The following VWC2 variants were observed in gnomAD, a reference collection of about 807,000 sequenced individuals.
VWC2 encodes the protein von Willebrand factor C domain containing 2, also known as brorin.
VWC2 carries 14 observed loss-of-function variants against 29.8 expected under a neutral mutation model. The ratio of observed to expected loss-of-function variants is 0.47; its 90% CI spans 0.31 to 0.74. VWC2 has a LOEUF of 0.74. VWC2 is among the 30% of genes least tolerant of loss of function. The pLI is 0.05. For missense variants in VWC2, 457 were observed against 459.8 expected (o/e 0.99, Z 0.05); for synonymous variants, 213 against 199.0 (o/e 1.07, Z -0.59).
Position 49,915,925 on chromosome 7 carries a change from T to C in VWC2, c.*3740T>C, listed in dbSNP as rs1197049190. On this transcript the variant is annotated 3_prime_UTR_variant, in exon 4 of 4. Coordinates refer to ENST00000340652, the MANE Select transcript of VWC2 (RefSeq NM_198570.5). ...ACTGAACCTACTTACCTACTATATT[T>C]TTTTTCCTCACTAGTAGCATCTGAT... is the stretch of plus-strand genomic sequence containing the variant. The C allele has an allele frequency of 6.6e-6, 1 of 152,198 alleles. No individual in the cohort carries two copies. The highest frequency in any genetic ancestry group is 1.5e-5 in the Non-Finnish European group (1 of 68,024). The allele number at this position is 152,198 out of a possible 1,614,324, so 9.4% of individuals were successfully genotyped here.
At position 49,805,108 on chromosome 7, in the gene VWC2, TA is replaced by T. The variant is rs1366725328; in HGVS notation, c.826+2275del. On this transcript the variant is annotated intron_variant, in intron 3 of 3. Transcript: ENST00000340652. ...TTTAAGATATAGTTATATTTTTGAGTAAAAAAATGTACAAAAACTAAACACT... is the reference window on the plus strand; with the variant it reads ...TTTAAGATATAGTTATATTTTTGAGTAAAAAATGTACAAAAACTAAACACT... Among the ~76,000 whole-genome samples, 48 of 152,242 alleles carry T rather than the reference TA, an allele frequency of 3.2e-4. No individual in the cohort carries two copies. The East Asian group carries it at 8.3e-3, about 26-fold the overall frequency.
chr7:49,906,194 C>T (rs1400789894), intron 3 of VWC2, among the ~76,000 whole-genome samples: 1 of 152,166 alleles, frequency 6.6e-6, no homozygotes, highest in African/African-American at 2.4e-5. Flanking sequence ...TTCTTTCTTG[C>T]ATGAAATCCA....
Position 49,775,895 on chromosome 7 carries a change from G to T in VWC2, c.460G>T (p.Gly154Cys). The T allele has an allele frequency of 6.4e-7, 1 of 1,558,496 alleles. No homozygotes were observed. Among genetic ancestry groups the T allele is most frequent in the East Asian group, 2.4e-5 (1 of 41,810 alleles). The change falls in exon 2 of 4, where the codon GGC becomes TGC. Residue 154 changes from glycine to cysteine, a missense_variant. Physicochemically the swap from Gly to Cys is radical, Grantham distance 159. Around this residue, in one of 2 missense-constraint regions of VWC2, gnomAD observed 185 missense variants for 257.1 expected, o/e 0.72. Coordinates refer to ENST00000340652, the MANE Select transcript of VWC2 (RefSeq NM_198570.5). The stretch of plus-strand genomic sequence containing the variant: ...CGTGTACCCGGACTACCGTGGCAAG[G>T]GCTGCGTGGACGAGAGCGGCTTCGT... The part of the protein sequence containing the change: ...EYVYPDYRGK[G>C]CVDESGFVYA...
rs1410696163 is a variant in VWC2, at chr7:49,776,095, C to T, written c.660C>T (p.Phe220=). The part of the protein sequence containing the change: ...QCKERKNYCE[F]RGKTYQTLEE... ...AGGAGAGGAAGAACTACTGCGAGTT[C>T]CGGGGCAAGACCTATCAGACTTTGG... Residue 220 remains phenylalanine, a synonymous_variant, in exon 2 of 4, where the codon TTC becomes TTT. Transcript: ENST00000340652. The T allele has an allele frequency of 1.8e-5, 28 of 1,550,184 alleles. No homozygotes were observed. Among genetic ancestry groups the T allele is most frequent in the Non-Finnish European group, 2.3e-5 (26 of 1,153,910 alleles).
chr7:49,819,692 A>T (rs555536912), intron 3 of VWC2, among the ~76,000 whole-genome samples: 1 of 152,292 alleles, frequency 6.6e-6, no homozygotes, highest in Non-Finnish European at 1.5e-5. Flanking sequence ...AGGAACAGTA[A>T]ATTTTTAGAG....
chr7:49,835,655 A>G (rs1789639554), intron 3 of VWC2, among the ~76,000 whole-genome samples: 1 of 152,196 alleles, frequency 6.6e-6, no homozygotes, highest in Non-Finnish European at 1.5e-5. Flanking sequence ...AAATTACAGA[A>G]GGGGCTCAGT....
chr7:49,852,338 C>G (rs1188507855), intron 3 of VWC2, among the ~76,000 whole-genome samples: 1 of 152,188 alleles, frequency 6.6e-6, no homozygotes, highest in Non-Finnish European at 1.5e-5. Context: ...ATTGCAGGCT[C>G]TGGTTCAAAG....
intron 3 of VWC2, among the ~76,000 whole-genome samples, chr7:49,812,992 A>AGATTTGT (rs1345153088): frequency 6.6e-6 from 1 of 152,238 alleles, no homozygotes; most frequent in Non-Finnish European, 1.5e-5. Flanking sequence ...ACAAGTCTAT[A>AGATTTGT]GCTGGTTATA....
chr7:49,887,094 T>A (rs1791937188), intron 3 of VWC2, among the ~76,000 whole-genome samples: 1 of 152,212 alleles, frequency 6.6e-6, no homozygotes, highest in African/African-American at 2.4e-5. Flanking sequence ...TTAAACTACT[T>A]GAATTATAAA....
intron 1 of VWC2, 81 bp from the exon 2 acceptor site, chr7:49,775,252 G>A (rs944211795): frequency 5.0e-5 from 15 of 301,234 alleles, no homozygotes; most frequent in African/African-American, 3.3e-4. Context: ...CTAGAGCTAT[G>A]CCGGAGCCCG....
chr7:49,894,505 A>C (rs1792285091), intron 3 of VWC2, among the ~76,000 whole-genome samples: 1 of 152,228 alleles, frequency 6.6e-6, no homozygotes, highest in African/African-American at 2.4e-5. Flanking sequence ...GTGGCAATTT[A>C]TCCACCAACT....
At chr7:49,792,170 C>G (rs561102655) in intron 2 of VWC2, among the ~76,000 whole-genome samples, 2 of 152,160 alleles carry the variant, frequency 1.3e-5, no homozygotes, top group African/African-American at 4.8e-5. Context: ...TTTTAGTATC[C>G]GAGTTGTTTC....
At chr7:49,882,698 A>G (rs1291558690) in intron 3 of VWC2, among the ~76,000 whole-genome samples, 4 of 152,186 alleles carry the variant, frequency 2.6e-5, no homozygotes, top group Non-Finnish European at 5.9e-5. Flanking sequence ...TCTGGGTGTC[A>G]ATTGAAGAGA....
At chr7:49,855,217 C>T (rs1176436236) in intron 3 of VWC2, among the ~76,000 whole-genome samples, 1 of 152,128 alleles carries the variant, frequency 6.6e-6, no homozygotes, top group Non-Finnish European at 1.5e-5. Flanking sequence ...TTTCTCATGT[C>T]TCTGAAAATG....
In VWC2 at chr7:49,906,616, G is replaced by T. The variant is rs182524486; in HGVS notation, c.827-5418G>T. Among the ~76,000 whole-genome samples, 268 of 152,266 alleles carry T rather than the reference G, an allele frequency of 1.8e-3. 1 individual carries two copies. The highest frequency in any genetic ancestry group is 4.8e-3 in the African/African-American group (201 of 41,548). On this transcript the variant is annotated intron_variant, in intron 3 of 3. Coordinates refer to ENST00000340652, the MANE Select transcript of VWC2 (RefSeq NM_198570.5). ...CTCACAAAGTGCTGGGATTACAGGC[G>T]TGAGCCACCGCACCCAGCCAACTGT...
intron 3 of VWC2, among the ~76,000 whole-genome samples, chr7:49,897,463 CAGATATGCCAAAGTTGG>C (rs1792446652): frequency 6.6e-6 from 1 of 152,072 alleles, no homozygotes; most frequent in Non-Finnish European, 1.5e-5. Context: ...GAGTTTATTC[CAGATATGCCAAAGTTGG>C]CTTAGTACTC....
chr7:49,889,258 AT>A (rs1792029555), intron 3 of VWC2, among the ~76,000 whole-genome samples: 1 of 152,130 alleles, frequency 6.6e-6, no homozygotes, highest in African/African-American at 2.4e-5. Flanking sequence ...TGGTGTTGCC[AT>A]TTTTCTGTTT....
At chr7:49,909,912 T>C (rs1793313649) in intron 3 of VWC2, among the ~76,000 whole-genome samples, 1 of 151,900 alleles carries the variant, frequency 6.6e-6, no homozygotes, top group African/African-American at 2.4e-5. Context: ...GAGACCAGCC[T>C]GGGCAACATA....
At chr7:49,832,990 T>C (rs1260328696) in intron 3 of VWC2, among the ~76,000 whole-genome samples, 1 of 152,186 alleles carries the variant, frequency 6.6e-6, no homozygotes, top group Non-Finnish European at 1.5e-5. Context: ...ATAAGCCCTG[T>C]ACATCCTGAG....
Sources: gnomAD v4.1 joint callset for allele counts (sites outside exome capture counted in the v4.1 genomes callset) on GRCh38, gnomAD v4.1.1 for gene constraint, gnomAD v4.1.1 regional missense constraint, MANE v1.5 for transcripts, NCBI Gene and HGNC (gene_info 2026-07-23, HGNC 2026-07-21) for gene names.